The following COMMD7 variants were observed in gnomAD, a reference collection of about 807,000 sequenced individuals.
COMMD7 encodes COMM domain-containing protein 7.
COMMD7 carries 28 observed loss-of-function variants against 34.8 expected under a neutral mutation model. The observed-to-expected ratio is 0.80, with a 90% CI of 0.60 to 1.10. The LOEUF is 1.10. Ranked by LOEUF, COMMD7 falls within the 50% of genes least tolerant of loss-of-function variation. The pLI, the probability that COMMD7 is intolerant of heterozygous loss-of-function variation, is 0.00. For synonymous variants in COMMD7, 80 were observed against 86.4 expected (o/e 0.93, Z 0.41); for missense variants, 211 against 241.6 (o/e 0.87, Z 0.84).
Position 32,704,026 on chromosome 20 carries a change from T to C in COMMD7, c.523A>G (p.Ile175Val). The change falls in exon 8 of 9, where the codon ATA (isoleucine) becomes GTA (valine). Residue 175 changes from isoleucine (I) to valine (V), a missense_variant. Ile to Val is a conservative substitution (Grantham distance 29, BLOSUM62 3). Coordinates refer to ENST00000278980, the MANE Select transcript of COMMD7 (RefSeq NM_053041.3). The stretch of plus-strand genomic sequence containing the variant: ...TCAAGTGGGAATTCAGACTCACCTA[T>C]ATACACATTTTCGGTTTGATTTCCT... ...KKGNQTENVY[I>V]ELTLPQFYSF... 2 of 1,613,274 alleles carry C rather than the reference T, an allele frequency of 1.2e-6. No homozygotes were observed. Among genetic ancestry groups the C allele is most frequent in the Non-Finnish European group, 1.7e-6 (2 of 1,179,740 alleles).
In COMMD7 at chr20:32,703,303, G is replaced by A; in HGVS notation, c.*79C>T. Reference sequence around the variant, plus strand: ...CATGGAGCATCCCACAGGCCTGTGAGTGAAGTGCCTCTCAGAGCAGTCACC... The same window carrying A: ...CATGGAGCATCCCACAGGCCTGTGAATGAAGTGCCTCTCAGAGCAGTCACC... On this transcript the variant is annotated 3_prime_UTR_variant, in exon 9 of 9. Transcript: ENST00000278980. 7.6e-7 allele frequency: 1 copy of A among 1,319,670 alleles called. No individual in the cohort carries two copies. Among genetic ancestry groups the A allele is most frequent in the South Asian group, 1.3e-5 (1 of 78,100 alleles). The allele number at this position is 1,319,670 out of a possible 1,614,324, so 81.7% of individuals were successfully genotyped here.
chr20:32,741,833 C>T (rs562079205), intron 1 of COMMD7, among the ~76,000 whole-genome samples: 4 of 152,166 alleles, frequency 2.6e-5, no homozygotes, highest in Non-Finnish European at 5.9e-5. Flanking sequence ...GAGCAATGCG[C>T]TATACCATAT....
At chr20:32,712,056 G>A (rs935952584) in intron 3 of COMMD7, among the ~76,000 whole-genome samples, 2 of 151,820 alleles carry the variant, frequency 1.3e-5, no homozygotes, top group African/African-American at 4.8e-5. Flanking sequence ...CAGATCATGA[G>A]GTCAGGAGTT....
At chr20:32,713,049 C>CTT (rs1318989294) in intron 3 of COMMD7, among the ~76,000 whole-genome samples, 55 of 134,388 alleles carry the variant, frequency 4.1e-4, no homozygotes, top group African/African-American at 1.3e-3. Flanking sequence ...TTTTTAATTT[C>CTT]TTTTTTTTTT....
At chr20:32,741,836 T>C (rs1986463007) in intron 1 of COMMD7, among the ~76,000 whole-genome samples, 1 of 152,188 alleles carries the variant, frequency 6.6e-6, no homozygotes, top group Admixed American at 6.6e-5. Flanking sequence ...CAATGCGCTA[T>C]ACCATATATC....
chr20:32,710,412 G>C (rs766407551), intron 3 of COMMD7, among the ~76,000 whole-genome samples: 2 of 152,030 alleles, frequency 1.3e-5, no homozygotes, highest in African/African-American at 2.4e-5. Context: ...CACGTTGAAT[G>C]CAAGAATCCT....
At chr20:32,706,484 C>G (rs964184405) in intron 5 of COMMD7, 99 bp downstream of exon 5, 1 of 965,224 alleles carries the variant, frequency 1.0e-6, no homozygotes, top group African/African-American at 1.7e-5. Flanking sequence ...CCACTGCACT[C>G]CAGCCTGGAC....
At chr20:32,725,757 G>C (rs927374106) in intron 3 of COMMD7, among the ~76,000 whole-genome samples, 1 of 151,946 alleles carries the variant, frequency 6.6e-6, no homozygotes, top group African/African-American at 2.4e-5. Context: ...AGTTTAAAAT[G>C]AAAATTTATT....
At chr20:32,730,557 A>AC (rs779323590) in intron 1 of COMMD7, among the ~76,000 whole-genome samples, 103 of 100,860 alleles carry the variant, frequency 1.0e-3, no homozygotes, top group Non-Finnish European at 1.8e-3. Flanking sequence ...TCCGTTTCAA[A>AC]AAACAACAAC....
rs559103285 is a variant in COMMD7 at position 32,728,321 on chromosome 20, G to A, written c.85-179C>T. On this transcript the variant is annotated intron_variant, in intron 1 of 8. Transcript: ENST00000278980. ...ACCCACCACCAGTGTCAATATACCTGTGTCGCTACATCATCTGAAAAACAC... is the reference window on the plus strand; with the variant it reads ...ACCCACCACCAGTGTCAATATACCTATGTCGCTACATCATCTGAAAAACAC... 2.6e-5 allele frequency among the ~76,000 whole-genome samples: 4 copies of A among 152,134 alleles called. No individual in the cohort carries two copies. In the Middle Eastern group the frequency reaches 0.014, roughly 517 times the overall value.
At chr20:32,710,640 G>C (rs1984378411) in intron 3 of COMMD7, among the ~76,000 whole-genome samples, 1 of 150,790 alleles carries the variant, frequency 6.6e-6, no homozygotes. Flanking sequence ...GAGGTGGGAG[G>C]ATGGCTTGAG....
chr20:32,709,980 T>C (rs1014417474), intron 3 of COMMD7, among the ~76,000 whole-genome samples: 7 of 151,730 alleles, frequency 4.6e-5, no homozygotes, highest in Non-Finnish European at 1.0e-4. Flanking sequence ...CTGGGCTTAA[T>C]GGATCCTCCC....
chr20:32,719,330 G>C (rs970151794), intron 3 of COMMD7, among the ~76,000 whole-genome samples: 1 of 152,096 alleles, frequency 6.6e-6, no homozygotes, highest in Non-Finnish European at 1.5e-5. Flanking sequence ...AGAAAGAAGG[G>C]ATGCACAAGG....
chr20:32,715,872 G>A (rs760039595), intron 3 of COMMD7, among the ~76,000 whole-genome samples: 7 of 151,948 alleles, frequency 4.6e-5, no homozygotes, highest in Non-Finnish European at 1.0e-4. Flanking sequence ...TTAAATAGTG[G>A]CCCTACTGCC....
chr20:32,715,786 G>T (rs1461450033), intron 3 of COMMD7, among the ~76,000 whole-genome samples: 1 of 152,036 alleles, frequency 6.6e-6, no homozygotes, highest in African/African-American at 2.4e-5. Flanking sequence ...CAACCTGGGT[G>T]ACAGAGCGAG....
rs1388635323 is a variant in COMMD7, at chr20:32,703,303, G to C, written c.*79C>G. 7.6e-7 allele frequency: 1 copy of C among 1,319,552 alleles called. No homozygotes were observed. The highest frequency in any genetic ancestry group is 1.9e-5 in the Admixed American group (1 of 51,910). 81.7% of individuals were successfully genotyped at this position (1,319,552 alleles called of 1,614,324 possible). ...CATGGAGCATCCCACAGGCCTGTGAGTGAAGTGCCTCTCAGAGCAGTCACC... is the reference window on the plus strand; with the variant it reads ...CATGGAGCATCCCACAGGCCTGTGACTGAAGTGCCTCTCAGAGCAGTCACC... On this transcript the variant is annotated 3_prime_UTR_variant, in exon 9 of 9. Coordinates refer to ENST00000278980, the MANE Select transcript of COMMD7 (RefSeq NM_053041.3).
chr20:32,716,236 T>C (rs149518494), intron 3 of COMMD7, among the ~76,000 whole-genome samples: 1 of 152,300 alleles, frequency 6.6e-6, no homozygotes, highest in East Asian at 1.9e-4. Context: ...GCATTGTAGT[T>C]TGATAAGGGG....
At chr20:32,736,668 TCAAACAAA>T (rs541960935) in intron 1 of COMMD7, among the ~76,000 whole-genome samples, 3 of 151,584 alleles carry the variant, frequency 2.0e-5, no homozygotes, top group South Asian at 2.1e-4. Flanking sequence ...AGACTCTGAC[TCAAACAAA>T]CAAACAAACA....
chr20:32,708,628 C>T (rs569457537), intron 3 of COMMD7, among the ~76,000 whole-genome samples: 1 of 151,690 alleles, frequency 6.6e-6, no homozygotes, highest in African/African-American at 2.4e-5. Context: ...ATTTGACAAT[C>T]CCCAAACACT....
Sources: gnomAD v4.1 joint callset for allele counts (sites outside exome capture counted in the v4.1 genomes callset) on GRCh38, gnomAD v4.1.1 for gene constraint, MANE v1.5 for transcripts, NCBI Gene and HGNC (gene_info 2026-07-23, HGNC 2026-07-21) for gene names.